NTRK2: variants seen among roughly 807,000 people sequenced by gnomAD.
NTRK2 encodes BDNF/NT-3 growth factors receptor.
NTRK2 carries 13 observed loss-of-function variants against 94.5 expected under a neutral mutation model. The observed-to-expected ratio is 0.14, with a 90% CI of 0.09 to 0.22. The LOEUF is 0.22. NTRK2 is among the 10% of genes least tolerant of loss of function. The pLI is 1.00. For synonymous variants in NTRK2, 372 were observed against 407.4 expected, an observed-to-expected ratio of 0.91 and a Z score of 1.05; for missense variants, 639 against 1,071.2, an observed-to-expected ratio of 0.60 and a Z score of 5.63.
intron 16 of NTRK2, among the ~76,000 whole-genome samples, chr9:84,950,596 T>TAC (rs1564494641): frequency 1.3e-5 from 2 of 151,552 alleles, no homozygotes; most frequent in African/African-American, 4.8e-5. Flanking sequence ...AATATGTTTT[T>TAC]TTTTTTTTTA....
intron 14 of NTRK2, among the ~76,000 whole-genome samples, chr9:84,895,511 T>G (rs1216163431): frequency 1.3e-5 from 2 of 152,190 alleles, no homozygotes; most frequent in Non-Finnish European, 2.9e-5. Context: ...ATAACCACAA[T>G]TAAGAAGAGA....
At chr9:84,952,081 C>G (rs1309034591) in intron 16 of NTRK2, among the ~76,000 whole-genome samples, 2 of 152,194 alleles carry the variant, frequency 1.3e-5, no homozygotes, top group African/African-American at 4.8e-5. Flanking sequence ...TTCAAACTAT[C>G]ACAGCTAACA....
intron 17 of NTRK2, among the ~76,000 whole-genome samples, chr9:84,969,725 G>T (rs991223659): frequency 5.3e-5 from 8 of 152,158 alleles, no homozygotes; most frequent in Non-Finnish European, 1.2e-4. Context: ...CACAGATTCT[G>T]CCAATCCTAA....
intron 9 of NTRK2, among the ~76,000 whole-genome samples, chr9:84,728,734 T>C (rs1183445276): frequency 1.3e-5 from 2 of 152,312 alleles, no homozygotes; most frequent in African/African-American, 2.4e-5. Flanking sequence ...AGTGCTTCTC[T>C]GGCCAAAGGC....
chr9:84,948,197 G>A (rs892480493), intron 15 of NTRK2, among the ~76,000 whole-genome samples: 11 of 152,194 alleles, frequency 7.2e-5, no homozygotes, highest in African/African-American at 2.4e-4. Flanking sequence ...ATTATTGGGT[G>A]CAGACCAGGG....
chr9:84,720,977 A>G (rs977319548), intron 6 of NTRK2, among the ~76,000 whole-genome samples: 28 of 152,218 alleles, frequency 1.8e-4, no homozygotes, highest in African/African-American at 6.3e-4. Flanking sequence ...ATAAGGTCCA[A>G]CCTCCAAACA....
At chr9:84,891,543 C>G (rs1183189095) in intron 14 of NTRK2, among the ~76,000 whole-genome samples, 1 of 152,162 alleles carries the variant, frequency 6.6e-6, no homozygotes, top group Non-Finnish European at 1.5e-5. Flanking sequence ...TTTTGCTTAC[C>G]TTGGCACACT....
intron 14 of NTRK2, chr9:84,874,675 ATCTC>A (rs1208927656): frequency 2.8e-6 from 3 of 1,061,842 alleles, no homozygotes; most frequent in African/African-American, 3.3e-5. Flanking sequence ...ACATAAAGGA[ATCTC>A]TCTCCTTGGA....
At chr9:84,700,041 A>T (rs1421131275) in intron 2 of NTRK2, among the ~76,000 whole-genome samples, 1 of 152,208 alleles carries the variant, frequency 6.6e-6, no homozygotes, top group African/African-American at 2.4e-5. Context: ...CCAGGAAAAG[A>T]GTGAGGAAGA....
chr9:84,689,601 T>A (rs72737667), intron 2 of NTRK2, among the ~76,000 whole-genome samples: 14,247 of 152,058 alleles, frequency 0.094, 907 homozygotes, highest in African/African-American at 0.17. Context: ...ATCCTTTTTT[T>A]AAAAAAAAGA....
chr9:84,839,633 G>A (rs554113939), intron 12 of NTRK2, among the ~76,000 whole-genome samples: 26 of 152,296 alleles, frequency 1.7e-4, no homozygotes, highest in South Asian at 2.1e-4. Context: ...CGGGCTGAGC[G>A]TTAGTTTTTA....
chr9:84,958,328 A>G (rs1824430475), intron 17 of NTRK2, among the ~76,000 whole-genome samples: 1 of 152,266 alleles, frequency 6.6e-6, no homozygotes. Context: ...TTATGAACAT[A>G]AGAAATTAAT....
chr9:84,839,715 C>T (rs865813427), intron 12 of NTRK2, among the ~76,000 whole-genome samples: 4 of 152,238 alleles, frequency 2.6e-5, no homozygotes, highest in Non-Finnish European at 2.9e-5. Flanking sequence ...CAGGCCCCAG[C>T]GTGCCTGTGG....
At chr9:84,910,024 T>C (rs2077192395) in intron 14 of NTRK2, among the ~76,000 whole-genome samples, 1 of 152,142 alleles carries the variant, frequency 6.6e-6, no homozygotes, top group African/African-American at 2.4e-5. Context: ...ATCCTGAAGG[T>C]TATCTCTATA....
intron 12 of NTRK2, among the ~76,000 whole-genome samples, chr9:84,820,541 A>G (rs559722025): frequency 6.6e-6 from 1 of 152,272 alleles, no homozygotes; most frequent in South Asian, 2.1e-4. Flanking sequence ...TAGTATCTAC[A>G]TGTATTTTAC....
chr9:84,901,877 A>G (rs2076940216), intron 14 of NTRK2, among the ~76,000 whole-genome samples: 1 of 152,050 alleles, frequency 6.6e-6, no homozygotes, highest in Non-Finnish European at 1.5e-5. Context: ...TTTTAGTAAT[A>G]TTGCTTCAGT....
chr9:84,703,290 C>A (rs572444035), intron 4 of NTRK2, among the ~76,000 whole-genome samples: 1 of 152,276 alleles, frequency 6.6e-6, no homozygotes, highest in African/African-American at 2.4e-5. Context: ...ATCTGTGGGA[C>A]CCTCACCTGG....
At chr9:84,948,397 T>A (rs2132878328) in intron 15 of NTRK2, 65 bp from the exon 16 acceptor site, 2 of 1,501,298 alleles carry the variant, frequency 1.3e-6, no homozygotes, top group Non-Finnish European at 9.2e-7. Flanking sequence ...GAGATGGATG[T>A]CTTTCCTATC....
chr9:84,702,306 A>G (rs905967440), intron 3 of NTRK2, 42 bp from the exon 4 acceptor site: 3 of 1,610,448 alleles, frequency 1.9e-6, no homozygotes, highest in South Asian at 2.2e-5. Flanking sequence ...GCAGGCATTC[A>G]CTGGTTCGTT....
Sources: gnomAD v4.1 joint callset for allele counts (sites outside exome capture counted in the v4.1 genomes callset) on GRCh38, gnomAD v4.1.1 for gene constraint, MANE v1.5 for transcripts, NCBI Gene and HGNC (gene_info 2026-07-23, HGNC 2026-07-21) for gene names.